The following HECW1 variants were observed in gnomAD, a reference collection of about 807,000 sequenced individuals.
The protein encoded by HECW1 is HECT, C2 and WW domain containing E3 ubiquitin protein ligase 1, also known as E3 ubiquitin-protein ligase HECW1.
A neutral mutation model predicts 182.3 loss-of-function variants in HECW1; 61 were observed. That is an observed-to-expected ratio of 0.33 (90% CI 0.27 to 0.41). The LOEUF (loss-of-function observed/expected upper bound fraction) is 0.41, where lower values mean the gene tolerates loss of function less well. Among genes scored for constraint, HECW1 ranks in the 10% least tolerant of loss-of-function variants. The pLI, the probability that HECW1 is intolerant of heterozygous loss-of-function variation, is 1.00. For synonymous variants in HECW1, 859 were observed against 832.6 expected (o/e 1.03, Z -0.55); for missense variants, 1,739 against 2,108.9 (o/e 0.82, Z 3.44).
intron 3 of HECW1, among the ~76,000 whole-genome samples, chr7:43,300,422 C>T (rs1412294982): frequency 2.6e-5 from 4 of 152,110 alleles, no homozygotes; most frequent in Admixed American, 1.3e-4. Flanking sequence ...TACCTGTGGC[C>T]CCATCTGGAA....
intron 2 of HECW1, among the ~76,000 whole-genome samples, chr7:43,232,800 A>G (rs1021845352): frequency 6.6e-6 from 1 of 152,240 alleles, no homozygotes; most frequent in African/African-American, 2.4e-5. Context: ...CATCTCCAGA[A>G]GAGAGAAGAC....
intron 3 of HECW1, among the ~76,000 whole-genome samples, chr7:43,308,183 A>T (rs1184916705): frequency 9.5e-6 from 1 of 104,740 alleles, no homozygotes; most frequent in Non-Finnish European, 1.8e-5. Context: ...ATTTTTATAT[A>T]TTATAATATA....
intron 2 of HECW1, among the ~76,000 whole-genome samples, chr7:43,149,619 A>C (rs1789083130): frequency 6.6e-6 from 1 of 152,238 alleles, no homozygotes; most frequent in Non-Finnish European, 1.5e-5. Flanking sequence ...ATGATGATGT[A>C]AGATTAGATA....
intron 3 of HECW1, among the ~76,000 whole-genome samples, chr7:43,300,763 T>C (rs1806656048): frequency 6.6e-6 from 1 of 152,182 alleles, no homozygotes; most frequent in Non-Finnish European, 1.5e-5. Context: ...ATAATCCCAA[T>C]GACTGGCACA....
At chr7:43,193,112 A>G (rs1051967354) in intron 2 of HECW1, among the ~76,000 whole-genome samples, 12 of 152,198 alleles carry the variant, frequency 7.9e-5, no homozygotes, top group Non-Finnish European at 1.5e-5. Context: ...GGACATTGCT[A>G]TGGCATTTGT....
At chr7:43,228,628 C>T (rs1362963288) in intron 2 of HECW1, among the ~76,000 whole-genome samples, 1 of 152,146 alleles carries the variant, frequency 6.6e-6, no homozygotes, top group Non-Finnish European at 1.5e-5. Context: ...TTTCACTCAG[C>T]TATGCTCATT....
intron 3 of HECW1, among the ~76,000 whole-genome samples, chr7:43,278,223 A>C (rs1032901428): frequency 3.4e-4 from 51 of 152,060 alleles, no homozygotes; most frequent in African/African-American, 1.2e-3. Flanking sequence ...TTATCTGATC[A>C]TCAGCCATTT....
chr7:43,496,828 G>A (rs934521860), intron 19 of HECW1, among the ~76,000 whole-genome samples: 24 of 152,162 alleles, frequency 1.6e-4, no homozygotes, highest in African/African-American at 5.6e-4. Flanking sequence ...AAACCCAGAG[G>A]TTAATGGCAT....
intron 2 of HECW1, among the ~76,000 whole-genome samples, chr7:43,116,037 C>G (rs1028414954): frequency 6.6e-6 from 1 of 152,120 alleles, no homozygotes; most frequent in Non-Finnish European, 1.5e-5. Flanking sequence ...AAAATGCCCT[C>G]TAATTGTATA....
At chr7:43,491,321 C>T (rs1341551137) in intron 17 of HECW1, among the ~76,000 whole-genome samples, 2 of 152,138 alleles carry the variant, frequency 1.3e-5, no homozygotes, top group African/African-American at 4.8e-5. Flanking sequence ...TAATGCTTAT[C>T]TTGCAGAATT....
chr7:43,457,412 C>A (rs1444942885), intron 13 of HECW1, among the ~76,000 whole-genome samples: 3 of 152,156 alleles, frequency 2.0e-5, no homozygotes, highest in Non-Finnish European at 2.9e-5. Flanking sequence ...CTACTGATAG[C>A]AAATGCCTTT....
intron 24 of HECW1, chr7:43,511,997 G>A (rs1277645420): frequency 3.4e-5 from 7 of 208,336 alleles, no homozygotes; most frequent in South Asian, 1.9e-4. Context: ...AAATCTGATC[G>A]CTCACGACTG....
In HECW1 at chr7:43,563,025, T is replaced by C. The variant is rs1481906809; in HGVS notation, c.*1099T>C. Reference sequence around the variant, plus strand: ...TTTCACATTTTTTTTTCCTTTTCCTTTCTTAATCATGGAGTTCAAGTTCCT... The same window carrying C: ...TTTCACATTTTTTTTTCCTTTTCCTCTCTTAATCATGGAGTTCAAGTTCCT... On this transcript the variant is annotated 3_prime_UTR_variant, in exon 30 of 30. Transcript: ENST00000395891. 1.5e-5 allele frequency: 3 copies of C among 202,176 alleles called. No homozygotes were observed. Among genetic ancestry groups the C allele is most frequent in the Non-Finnish European group, 3.1e-5 (3 of 98,134 alleles). The allele number at this position is 202,176 out of a possible 1,614,324, so 12.5% of individuals were successfully genotyped here. A position where few individuals can be genotyped will look rare whatever the true frequency, so the allele number is the denominator to read the frequency against.
chr7:43,183,254 G>C (rs1266022562), intron 2 of HECW1, among the ~76,000 whole-genome samples: 1 of 152,182 alleles, frequency 6.6e-6, no homozygotes, highest in Non-Finnish European at 1.5e-5. Context: ...TGTGAGAACA[G>C]CTCTTCCACT....
chr7:43,210,205 C>T (rs1467483060), intron 2 of HECW1, among the ~76,000 whole-genome samples: 2 of 152,056 alleles, frequency 1.3e-5, no homozygotes, highest in African/African-American at 2.4e-5. Context: ...ACCAAGGACT[C>T]TCTTAACTGG....
chr7:43,425,930 TC>T (rs1251889060), intron 8 of HECW1, among the ~76,000 whole-genome samples: 1 of 152,154 alleles, frequency 6.6e-6, no homozygotes, highest in Non-Finnish European at 1.5e-5. Context: ...TATTATTTTG[TC>T]CCTTTTTTCT....
At chr7:43,416,872 C>T (rs1026910029) in intron 8 of HECW1, among the ~76,000 whole-genome samples, 25 of 134,744 alleles carry the variant, frequency 1.9e-4, no homozygotes, top group Admixed American at 1.2e-3. Flanking sequence ...AGGCAATGCT[C>T]GCCCTGCTTC....
rs180921059 is a variant in HECW1 at position 43,281,702 on chromosome 7, T to C, written c.28-30061T>C. ...CCTCCTCTTTCTTTTTCTGTTCTCT[T>C]TCTTTGCTTTCTTTTTTTTTTTTTT... On this transcript the variant is annotated intron_variant, in intron 3 of 29. Coordinates refer to ENST00000395891, the MANE Select transcript of HECW1 (RefSeq NM_015052.5). Among the ~76,000 whole-genome samples, 197 of 149,224 alleles carry C rather than the reference T, an allele frequency of 1.3e-3. 2 individuals are homozygous for C. The Middle Eastern group carries it at 0.031, about 24-fold the overall frequency.
intron 2 of HECW1, among the ~76,000 whole-genome samples, chr7:43,242,385 T>C (rs1798971161): frequency 6.6e-6 from 1 of 152,080 alleles, no homozygotes; most frequent in South Asian, 2.1e-4. Flanking sequence ...GCAGACGAAC[T>C]CAGTGCTTGG....
Sources: allele counts gnomAD v4.1 joint callset (sites outside exome capture counted in the v4.1 genomes callset), GRCh38; gene constraint gnomAD v4.1.1; transcripts MANE v1.5; gene names NCBI Gene and HGNC (gene_info 2026-07-23, HGNC 2026-07-21).